OPTC: variants seen among roughly 807,000 people sequenced by gnomAD.
The protein encoded by OPTC is opticin, also known as oculoglycan.
Under a neutral mutation model 25.4 loss-of-function variants are expected in OPTC, and 22 were observed. The observed-to-expected ratio is 0.87, with a 90% CI of 0.62 to 1.24. The LOEUF (loss-of-function observed/expected upper bound fraction) is 1.24. Among genes scored for constraint, OPTC ranks in the 50% most tolerant of loss-of-function variants. The pLI is 0.00. For missense variants in OPTC, 417 were observed against 425.2 expected (o/e 0.98, Z 0.17); for synonymous variants, 169 against 179.3 (o/e 0.94, Z 0.46).
chr1:203,500,364 G>GCCACCTCTA (rs1231053567), intron 5 of OPTC, among the ~76,000 whole-genome samples: 1 of 54,266 alleles, frequency 1.8e-5, no homozygotes, highest in African/African-American at 7.8e-5. Context: ...CTCCACCTCT[G>GCCACCTCTA]CCACCTCTAC....
intron 7 of OPTC, 86 bp downstream of exon 7, chr1:203,503,831 G>A (rs939294135): frequency 1.7e-6 from 2 of 1,193,168 alleles, no homozygotes; most frequent in Middle Eastern, 5.3e-4. Flanking sequence ...CTTTAGCCCA[G>A]GCATTAATCA....
chr1:203,498,564 AC>A (rs2102220344), intron 3 of OPTC, 116 bp from the exon 4 acceptor site: 1 of 1,252,480 alleles, frequency 8.0e-7, no homozygotes, highest in East Asian at 2.3e-5. Context: ...CTGGGCAGCA[AC>A]CCATAGGCTA....
chr1:203,502,974 C>A lies in OPTC; in HGVS notation c.793C>A (p.Pro265Thr). Residue 265 changes from proline (P) to threonine (T), a missense_variant, in exon 6 of 8, where the codon CCT becomes ACT. By Grantham distance (38) the Pro-to-Thr change is conservative (BLOSUM62 -1). Coordinates refer to ENST00000367222, the MANE Select transcript of OPTC (RefSeq NM_014359.4). ...CAACCTGCTGGATTCTATCCCGGGG[C>A]CTTTGCCCCTGAGCCTGCGCTCTGT... ...SDNLLDSIPGPLPLSLRSVHL... is the reference protein window; with the variant it reads ...SDNLLDSIPGTLPLSLRSVHL... 6.2e-7 allele frequency: 1 copy of A among 1,613,948 alleles called. No individual in the cohort carries two copies. The highest frequency in any genetic ancestry group is 8.5e-7 in the Non-Finnish European group (1 of 1,180,026).
rs199603871 is a variant in OPTC, at chr1:203,496,192, A to G, written c.187A>G (p.Ser63Gly). The change falls in exon 2 of 8, where the codon AGC becomes GGC. Residue 63 changes from serine (S) to glycine (G), a missense_variant. Coordinates refer to ENST00000367222, the MANE Select transcript of OPTC (RefSeq NM_014359.4). ...CAACTATGGTGAAGTCATTGACCTG[A>G]GCAACTATGAGGAGCTCACAGATTA... ...PDNYGEVIDL[S>G]NYEELTDYGD... The G allele has an allele frequency of 2.5e-5, 40 of 1,614,152 alleles. No homozygotes were observed. The Admixed American group carries it at 4.2e-4, about 17-fold the overall frequency.
chr1:203,500,726 T>G (rs28635593), intron 5 of OPTC, among the ~76,000 whole-genome samples: 1 of 152,068 alleles, frequency 6.6e-6, no homozygotes, highest in Non-Finnish European at 1.5e-5. Context: ...AATAAGCATT[T>G]CTTTTGAGCA....
At chr1:203,504,881 A>AT (rs1374205071) in intron 7 of OPTC, among the ~76,000 whole-genome samples, 1 of 152,232 alleles carries the variant, frequency 6.6e-6, no homozygotes, top group Non-Finnish European at 1.5e-5. Flanking sequence ...GCAAAGATAA[A>AT]TAAAAATAGC....
intron 7 of OPTC, among the ~76,000 whole-genome samples, chr1:203,506,509 G>A (rs1415003537): frequency 6.6e-6 from 1 of 151,926 alleles, no homozygotes; most frequent in Non-Finnish European, 1.5e-5. Context: ...CCAGAACTGG[G>A]GCTTTTGGGT....
intron 7 of OPTC, among the ~76,000 whole-genome samples, chr1:203,507,691 G>T (rs2102228757): frequency 1.3e-5 from 2 of 152,108 alleles, no homozygotes; most frequent in Non-Finnish European, 2.9e-5. Context: ...CTCCGTGAGA[G>T]AAAGGATGAG....
At chr1:203,494,726 G>A (rs983308446) in intron 1 of OPTC, among the ~76,000 whole-genome samples, 1 of 152,138 alleles carries the variant, frequency 6.6e-6, no homozygotes, top group Non-Finnish European at 1.5e-5. Flanking sequence ...CTAGAAACTT[G>A]TGCAGCTAGC....
chr1:203,495,867 G>A, intron 1 of OPTC, 98 bp from the exon 2 acceptor site: 4 of 694,816 alleles, frequency 5.8e-6, no homozygotes, highest in Non-Finnish European at 1.0e-5. Context: ...GTCTGCAAGT[G>A]TGGGGGTGGG....
At chr1:203,498,593 G>A (rs1661315698) in intron 3 of OPTC, 88 bp from the exon 4 acceptor site, 13 of 1,527,672 alleles carry the variant, frequency 8.5e-6, no homozygotes, top group Non-Finnish European at 1.2e-5. Context: ...GGCACAGATG[G>A]CCATGGTTCA....
At chr1:203,496,897 C>G in intron 2 of OPTC, 80 bp from the exon 3 acceptor site, 1 of 1,462,064 alleles carries the variant, frequency 6.8e-7, no homozygotes, top group South Asian at 1.1e-5. Flanking sequence ...TGAAATCCAT[C>G]ACTGAGGTTC....
chr1:203,494,813 C>T (rs1329696576), intron 1 of OPTC, among the ~76,000 whole-genome samples: 1 of 152,150 alleles, frequency 6.6e-6, no homozygotes, highest in East Asian at 1.9e-4. Flanking sequence ...AACCACACCA[C>T]ATGCATTTCC....
At chr1:203,495,081 G>A (rs754130511) in intron 1 of OPTC, among the ~76,000 whole-genome samples, 2 of 152,180 alleles carry the variant, frequency 1.3e-5, no homozygotes, top group East Asian at 1.9e-4. Context: ...GTAAGTCCAT[G>A]TCTCCTAAAG....
At chr1:203,501,213 G>T (rs1306031958) in intron 5 of OPTC, among the ~76,000 whole-genome samples, 1 of 152,106 alleles carries the variant, frequency 6.6e-6, no homozygotes, top group Admixed American at 6.5e-5. Context: ...CAATTCTCCT[G>T]CCTCGGCCTC....
At position 203,496,094 on chromosome 1, in the gene OPTC, G is replaced by A. The variant is rs989423058; in HGVS notation, c.89G>A (p.Arg30Lys). 2.5e-6 allele frequency: 4 copies of A among 1,614,002 alleles called. No homozygotes were observed. Among genetic ancestry groups the A allele is most frequent in the East Asian group, 2.2e-5 (1 of 44,890 alleles). Residue 30 changes from arginine (R) to lysine (K), a missense_variant, in exon 2 of 8, where the codon AGA becomes AAA. Physicochemically the swap from Arg to Lys is conservative, Grantham distance 26. Coordinates refer to ENST00000367222, the MANE Select transcript of OPTC (RefSeq NM_014359.4). Reference sequence around the variant, plus strand: ...CTCCCAAGGAAGGAGAGGAAGAGGAGAGAGGAGCAGATGCCCAGGGAAGGC... The same window carrying A: ...CTCCCAAGGAAGGAGAGGAAGAGGAAAGAGGAGCAGATGCCCAGGGAAGGC... ...ASLPRKERKR[R>K]EEQMPREGDS...
chr1:203,496,793 A>C (rs1661287824), intron 2 of OPTC, among the ~76,000 whole-genome samples, 184 bp from the exon 3 acceptor site: 1 of 151,986 alleles, frequency 6.6e-6, no homozygotes, highest in Admixed American at 6.5e-5. Context: ...CATAGGATGG[A>C]CATGCTGGAC....
At position 203,503,535 on chromosome 1, in the gene OPTC, A is replaced by T. The variant is rs374536783; in HGVS notation, c.829-15A>T. ...AGCCTCTTGGTGAGGCTCAGCTGGT[A>T]TGTGTTCTTCCCAGAATAACCTGAT... On this transcript the variant is annotated splice_polypyrimidine_tract_variant and intron_variant, in intron 6 of 7. Coordinates refer to ENST00000367222, the MANE Select transcript of OPTC (RefSeq NM_014359.4). 1.2e-6 allele frequency: 2 copies of T among 1,612,838 alleles called. No homozygotes were observed. Among genetic ancestry groups the T allele is most frequent in the Non-Finnish European group, 1.7e-6 (2 of 1,179,916 alleles).
chr1:203,495,218 A>AT (rs2102218052), intron 1 of OPTC, among the ~76,000 whole-genome samples: 1 of 152,274 alleles, frequency 6.6e-6, no homozygotes, highest in South Asian at 2.1e-4. Flanking sequence ...GATGATCTTT[A>AT]TAAAAAACCA....
Sources: allele counts gnomAD v4.1 joint callset (sites outside exome capture counted in the v4.1 genomes callset), GRCh38; gene constraint gnomAD v4.1.1; transcripts MANE v1.5; gene names NCBI Gene and HGNC (gene_info 2026-07-23, HGNC 2026-07-21).